Variants in GRID2 observed in about 807,000 individuals in gnomAD.
The protein encoded by GRID2 is glutamate receptor ionotropic, delta-2.
In GRID2, 33 loss-of-function variants were observed where a neutral mutation model predicts 114.8. The observed-to-expected ratio is 0.29, with a 90% CI of 0.22 to 0.38. The LOEUF (loss-of-function observed/expected upper bound fraction) is 0.38. Among genes scored for constraint, GRID2 ranks in the 10% least tolerant of loss-of-function variants. GRID2 has a pLI of 1.00. For synonymous variants in GRID2, 505 were observed against 449.9 expected (o/e 1.12, Z -1.55); for missense variants, 1,184 against 1,257.7 (o/e 0.94, Z 0.89).
intron 3 of GRID2, among the ~76,000 whole-genome samples, chr4:93,088,114 A>G (rs1193403816): frequency 6.6e-6 from 1 of 152,186 alleles, no homozygotes; most frequent in Non-Finnish European, 1.5e-5. Context: ...TATCAAGTTA[A>G]TTAGAGAAAC....
chr4:92,575,418 T>G (rs1286006782), intron 1 of GRID2, among the ~76,000 whole-genome samples: 1 of 152,224 alleles, frequency 6.6e-6, no homozygotes, highest in Non-Finnish European at 1.5e-5. Flanking sequence ...TTTTCTGTGT[T>G]TTTGCAATGG....
intron 1 of GRID2, among the ~76,000 whole-genome samples, chr4:92,517,642 G>A (rs1178683735): frequency 6.6e-6 from 1 of 151,852 alleles, no homozygotes; most frequent in Non-Finnish European, 1.5e-5. Context: ...TAATTCAGAA[G>A]ACTGTGCCTT....
intron 9 of GRID2, among the ~76,000 whole-genome samples, chr4:93,411,741 T>C (rs140113178): frequency 0.012 from 1,888 of 152,170 alleles, 43 homozygotes; most frequent in African/African-American, 0.043. Flanking sequence ...TGTGAATAGA[T>C]ATTTTTAACA....
intron 2 of GRID2, among the ~76,000 whole-genome samples, chr4:92,951,331 T>A (rs187146632): frequency 5.4e-4 from 81 of 150,436 alleles, no homozygotes; most frequent in Middle Eastern, 6.8e-3. Flanking sequence ...ATTCGCAAAA[T>A]TTTTTATTTA....
intron 8 of GRID2, among the ~76,000 whole-genome samples, chr4:93,381,978 C>T (rs889742236): frequency 2.6e-5 from 4 of 152,030 alleles, no homozygotes; most frequent in Non-Finnish European, 4.4e-5. Context: ...CCTAGAAATG[C>T]CTTAATGTCT....
intron 5 of GRID2, among the ~76,000 whole-genome samples, chr4:93,208,200 C>T (rs1163911429): frequency 1.3e-5 from 2 of 151,820 alleles, no homozygotes; most frequent in African/African-American, 4.8e-5. Context: ...ATACTAAATA[C>T]AGAATTCTAG....
intron 12 of GRID2, among the ~76,000 whole-genome samples, chr4:93,507,902 G>C (rs1258108536): frequency 6.6e-6 from 1 of 152,072 alleles, no homozygotes; most frequent in Non-Finnish European, 1.5e-5. Flanking sequence ...AATGAAGCTT[G>C]CCCAGCTGAT....
intron 2 of GRID2, among the ~76,000 whole-genome samples, chr4:93,061,580 C>T (rs1342775994): frequency 2.0e-5 from 3 of 152,048 alleles, no homozygotes; most frequent in Admixed American, 2.0e-4. Context: ...CTGGGAACTG[C>T]TTGTACCATA....
chr4:92,732,714 CATCT>C (rs1350419212), intron 2 of GRID2, among the ~76,000 whole-genome samples: 1 of 152,044 alleles, frequency 6.6e-6, no homozygotes, highest in African/African-American at 2.4e-5. Flanking sequence ...ATACTCCTTT[CATCT>C]ATCTGTCTAT....
At chr4:93,132,783 C>G (rs1734916363) in intron 4 of GRID2, among the ~76,000 whole-genome samples, 1 of 152,106 alleles carries the variant, frequency 6.6e-6, no homozygotes, top group South Asian at 2.1e-4. Context: ...GCTAAGAATT[C>G]ACACAGAAAA....
At chr4:93,014,094 A>G (rs1167992204) in intron 2 of GRID2, among the ~76,000 whole-genome samples, 1 of 152,082 alleles carries the variant, frequency 6.6e-6, no homozygotes, top group South Asian at 2.1e-4. Flanking sequence ...AATTCTGCTC[A>G]TGTGTCAGTT....
At chr4:92,904,228 T>C (rs1747787397) in intron 2 of GRID2, among the ~76,000 whole-genome samples, 1 of 151,380 alleles carries the variant, frequency 6.6e-6, no homozygotes, top group African/African-American at 2.4e-5. Context: ...ATCATTTTAA[T>C]GACTCCTGTA....
intron 2 of GRID2, among the ~76,000 whole-genome samples, chr4:92,892,313 G>A (rs772978193): frequency 2.6e-5 from 4 of 152,034 alleles, no homozygotes; most frequent in Non-Finnish European, 5.9e-5. Flanking sequence ...AAAAAAAATT[G>A]AGGGAACTTA....
intron 1 of GRID2, among the ~76,000 whole-genome samples, chr4:93,800,568 T>A (rs1028251041): frequency 3.9e-5 from 6 of 152,348 alleles, no homozygotes; most frequent in African/African-American, 1.2e-4. Flanking sequence ...CCCCATTAAA[T>A]GTCCCAGATA....
At position 93,630,357 on chromosome 4, in the gene GRID2, A is replaced by T. The variant is rs543212472; in HGVS notation, c.2360+3922A>T. Among the ~76,000 whole-genome samples the T allele has an allele frequency of 2.0e-5, 3 of 152,298 alleles. No individual in the cohort carries two copies. The East Asian group carries it at 5.8e-4, about 29-fold the overall frequency. ...TGTTGCCTCATTAAAGGCATTCAAGAATGAAGAAAACTGAATTTTTCGGGT... is the reference window on the plus strand; with the variant it reads ...TGTTGCCTCATTAAAGGCATTCAAGTATGAAGAAAACTGAATTTTTCGGGT... On this transcript the variant is annotated intron_variant, in intron 14 of 15. Transcript: ENST00000282020.
intron 7 of GRID2, among the ~76,000 whole-genome samples, chr4:93,232,291 A>G (rs1254535004): frequency 6.6e-6 from 1 of 152,122 alleles, no homozygotes; most frequent in South Asian, 2.1e-4. Context: ...GACATTTTCT[A>G]TGTATTCTAT....
In GRID2 at chr4:93,187,319, C is replaced by G. The variant is rs998883189; in HGVS notation, c.736-20085C>G. Among the ~76,000 whole-genome samples the G allele has an allele frequency of 2.0e-5, 3 of 152,036 alleles. No homozygotes were observed. The South Asian group carries it at 6.2e-4, about 32-fold the overall frequency. Reference sequence around the variant, plus strand: ...TGAGATGGAGTCTCATTCTTTTGCCCTGGCTGGAGTGCAGTGGTGTGATCT... The same window carrying G: ...TGAGATGGAGTCTCATTCTTTTGCCGTGGCTGGAGTGCAGTGGTGTGATCT... On this transcript the variant is annotated intron_variant, in intron 4 of 15. Coordinates refer to ENST00000282020, the MANE Select transcript of GRID2 (RefSeq NM_001510.4).
At chr4:92,951,643 C>A (rs1032450422) in intron 2 of GRID2, among the ~76,000 whole-genome samples, 3 of 152,084 alleles carry the variant, frequency 2.0e-5, no homozygotes, top group Non-Finnish European at 4.4e-5. Context: ...TTTACTTTTA[C>A]ATAGGTAATA....
intron 9 of GRID2, among the ~76,000 whole-genome samples, chr4:93,406,249 T>G (rs1766401967): frequency 6.6e-6 from 1 of 152,128 alleles, no homozygotes; most frequent in African/African-American, 2.4e-5. Flanking sequence ...GAAATGGACT[T>G]TGATACCTAA....
Sources: allele counts gnomAD v4.1 joint callset (sites outside exome capture counted in the v4.1 genomes callset), GRCh38; gene constraint gnomAD v4.1.1; transcripts MANE v1.5; gene names NCBI Gene and HGNC (gene_info 2026-07-23, HGNC 2026-07-21).